The following XNDC1N variants were observed in gnomAD, a reference collection of about 807,000 sequenced individuals.
XNDC1N encodes the protein XRCC1 N-terminal domain containing 1, N-terminal like.
At chr11:71,885,598 A>C in the XNDC1N span, among the ~76,000 whole-genome samples, 80 of 152,262 alleles carry the variant, frequency 5.3e-4, no homozygotes, top group South Asian at 2.1e-3. Flanking sequence ...ATTGAACGTA[A>C]TATCATGCTC....
chr11:71,888,591 C>T, the XNDC1N span, among the ~76,000 whole-genome samples: 17 of 152,272 alleles, frequency 1.1e-4, no homozygotes, highest in African/African-American at 1.7e-4. Context: ...GGGCCCAGGC[C>T]GAGGCTGGGG....
At chr11:71,893,126 A>T in the XNDC1N span, among the ~76,000 whole-genome samples, 1 of 152,188 alleles carries the variant, frequency 6.6e-6, no homozygotes, top group South Asian at 2.1e-4. Flanking sequence ...TTTTTCTTCA[A>T]GAGAGAAGGA....
the XNDC1N span, among the ~76,000 whole-genome samples, chr11:71,926,973 G>C: frequency 6.6e-6 from 1 of 151,990 alleles, no homozygotes; most frequent in Admixed American, 6.6e-5. Flanking sequence ...TAAAAGGCTG[G>C]GTACAGTGGC....
At chr11:71,914,221 AAAC>A in the XNDC1N span, 2 of 452,116 alleles carry the variant, frequency 4.4e-6, no homozygotes, top group Non-Finnish European at 8.9e-6. Context: ...AAGTAAATTA[AAAC>A]CTTCTGGAAA....
the XNDC1N span, among the ~76,000 whole-genome samples, chr11:71,868,881 G>T: frequency 6.6e-6 from 1 of 152,072 alleles, no homozygotes; most frequent in Non-Finnish European, 1.5e-5. Flanking sequence ...TTCCCAAGTT[G>T]TTTGCTTTCT....
chr11:71,872,148 G>A, the XNDC1N span, among the ~76,000 whole-genome samples: 211 of 147,648 alleles, frequency 1.4e-3, no homozygotes, highest in African/African-American at 4.6e-3. Flanking sequence ...TATGCTGCAA[G>A]AAAAAAGCCA....
the XNDC1N span, among the ~76,000 whole-genome samples, chr11:71,909,859 G>A: frequency 6.6e-6 from 1 of 152,178 alleles, no homozygotes; most frequent in African/African-American, 2.4e-5. Context: ...GACAGAGCAT[G>A]GCTCTTTGCT....
the XNDC1N span, among the ~76,000 whole-genome samples, chr11:71,882,423 G>T: frequency 2.0e-5 from 3 of 152,238 alleles, no homozygotes; most frequent in East Asian, 1.9e-4. Flanking sequence ...TAGAGACTGG[G>T]TTTCACTAGT....
chr11:71,892,489 AG>A, the XNDC1N span, among the ~76,000 whole-genome samples: 1 of 152,004 alleles, frequency 6.6e-6, no homozygotes, highest in Non-Finnish European at 1.5e-5. Flanking sequence ...CCATGATATT[AG>A]GAGCAATATC....
the XNDC1N span, among the ~76,000 whole-genome samples, chr11:71,911,423 C>T: frequency 6.6e-6 from 1 of 152,188 alleles, no homozygotes; most frequent in Admixed American, 6.5e-5. Context: ...CAGCCTTGGC[C>T]ATCAGGAGAC....
chr11:71,899,425 T>A, the XNDC1N span, among the ~76,000 whole-genome samples: 1 of 152,072 alleles, frequency 6.6e-6, no homozygotes, highest in Non-Finnish European at 1.5e-5. Flanking sequence ...AGGAAAGACA[T>A]AAAAGACTCC....
At chr11:71,905,405 C>T in the XNDC1N span, among the ~76,000 whole-genome samples, 1 of 151,698 alleles carries the variant, frequency 6.6e-6, no homozygotes, top group Admixed American at 6.6e-5. Flanking sequence ...ACCCCTGTGA[C>T]TTTAAAAGTA....
chr11:71,912,228 T>C, the XNDC1N span, among the ~76,000 whole-genome samples: 1 of 152,110 alleles, frequency 6.6e-6, no homozygotes. Context: ...GCAGCCCCCT[T>C]TGAAGGTCTC....
chr11:71,907,434 C>A, the XNDC1N span, among the ~76,000 whole-genome samples: 1 of 146,874 alleles, frequency 6.8e-6, no homozygotes, highest in African/African-American at 2.5e-5. Flanking sequence ...GGCGAGGAGC[C>A]CCCCACGATG....
At chr11:71,881,658 A>G in the XNDC1N span, among the ~76,000 whole-genome samples, 1 of 152,130 alleles carries the variant, frequency 6.6e-6, no homozygotes, top group Non-Finnish European at 1.5e-5. Context: ...ATCTTCAAAT[A>G]TGATTACATT....
the XNDC1N span, among the ~76,000 whole-genome samples, chr11:71,891,799 A>C: frequency 6.6e-6 from 1 of 151,982 alleles, no homozygotes; most frequent in Non-Finnish European, 1.5e-5. Flanking sequence ...AGAAAACAAT[A>C]TCATCGGGGC....
the XNDC1N span, among the ~76,000 whole-genome samples, chr11:71,866,491 G>A: frequency 1.3e-5 from 2 of 152,114 alleles, no homozygotes; most frequent in Admixed American, 1.3e-4. Context: ...TTATATAAAG[G>A]CAAAGGCAGG....
At chr11:71,905,459 C>T in the XNDC1N span, among the ~76,000 whole-genome samples, 3 of 150,656 alleles carry the variant, frequency 2.0e-5, no homozygotes, top group Non-Finnish European at 1.5e-5. Context: ...GGGTGTACAA[C>T]CCCTGTGACA....
the XNDC1N span, among the ~76,000 whole-genome samples, chr11:71,888,855 C>G: frequency 5.3e-5 from 8 of 152,238 alleles, no homozygotes; most frequent in African/African-American, 1.4e-4. Flanking sequence ...GTTTGTAACA[C>G]CCTCCACCCC....
Sources: allele counts gnomAD v4.1 joint callset (sites outside exome capture counted in the v4.1 genomes callset), GRCh38; gene constraint gnomAD v4.1.1; transcripts MANE v1.5; gene names NCBI Gene and HGNC (gene_info 2026-07-23, HGNC 2026-07-21).